IVNS1ABP: variants seen among roughly 807,000 people sequenced by gnomAD.
IVNS1ABP encodes the protein influenza virus NS1A binding protein.
Under a neutral mutation model 78.9 loss-of-function variants are expected in IVNS1ABP, and 25 were observed. That is an observed-to-expected ratio of 0.32 (90% CI 0.23 to 0.44). IVNS1ABP has a LOEUF of 0.44. IVNS1ABP is among the 20% of genes least tolerant of loss of function. The pLI, the probability that IVNS1ABP is intolerant of heterozygous loss-of-function variation, is 1.00. For synonymous variants in IVNS1ABP, 241 were observed against 259.7 expected (o/e 0.93, Z 0.69); for missense variants, 494 against 768.9 (o/e 0.64, Z 4.23).
chr1:185,300,191 A>C, intron 12 of IVNS1ABP, 26 bp downstream of exon 12: 1 of 1,609,924 alleles, frequency 6.2e-7, no homozygotes, highest in African/African-American at 1.3e-5. Context: ...TAAATACTGG[A>C]TATCTCAGGA....
At chr1:185,312,087 A>G (rs566477230) in intron 1 of IVNS1ABP, among the ~76,000 whole-genome samples, 2 of 152,358 alleles carry the variant, frequency 1.3e-5, no homozygotes, top group African/African-American at 4.8e-5. Context: ...TAAAAACTTG[A>G]ACATAAAGAT....
intron 10 of IVNS1ABP, 164 bp from the exon 11 acceptor site, chr1:185,300,722 A>G (rs1025520275): frequency 2.7e-6 from 2 of 750,334 alleles, no homozygotes; most frequent in Non-Finnish European, 4.2e-6. Flanking sequence ...TAGCTGAAAA[A>G]TCGCATTATC....
rs1665521535 is a variant in IVNS1ABP, at chr1:185,299,828, A to C, written c.1557T>G (p.Gly519=). The part of the protein sequence containing the change: ...ELGGYLYIIG[G]AESWNCLNTV... Reference sequence around the variant, plus strand: ...TGTTCAGACAATTCCAAGATTCTGCACCTCCGATTATGTACAAATAACCAC... The same window carrying C: ...TGTTCAGACAATTCCAAGATTCTGCCCCTCCGATTATGTACAAATAACCAC... Residue 519 remains glycine (G), a synonymous_variant, in exon 14 of 15, where the codon GGT becomes GGG. Coordinates refer to ENST00000367498, the MANE Select transcript of IVNS1ABP (RefSeq NM_006469.5). 5.0e-6 allele frequency: 8 copies of C among 1,613,620 alleles called. No individual in the cohort carries two copies. The highest frequency in any genetic ancestry group is 1.7e-5 in the Admixed American group (1 of 59,902).
chr1:185,316,590 C>G (rs943290290), intron 1 of IVNS1ABP, among the ~76,000 whole-genome samples: 2 of 152,236 alleles, frequency 1.3e-5, no homozygotes, highest in Non-Finnish European at 2.9e-5. Flanking sequence ...CATCCCCGCC[C>G]GCGGCGCCCT....
chr1:185,300,754 C>T lies in IVNS1ABP; in HGVS notation c.1121-196G>A. The T allele has an allele frequency of 4.2e-6, 3 of 707,370 alleles. No homozygotes were observed. The South Asian group carries it at 5.9e-5, about 14-fold the overall frequency. 43.8% of individuals were successfully genotyped at this position (707,370 alleles called of 1,614,324 possible). A position where few individuals can be genotyped will look rare whatever the true frequency, so the allele number is the denominator to read the frequency against. The stretch of plus-strand genomic sequence containing the variant: ...TATCAGTACAAATAAACTGCTTAGT[C>T]TTGGCTTGAATATTAGAAAAATTTA... On this transcript the variant is annotated intron_variant, in intron 10 of 14. Transcript: ENST00000367498.
At chr1:185,312,655 T>G (rs529719835) in intron 1 of IVNS1ABP, among the ~76,000 whole-genome samples, 1 of 152,358 alleles carries the variant, frequency 6.6e-6, no homozygotes, top group Non-Finnish European at 1.5e-5. Flanking sequence ...CAAAACTATA[T>G]CACAGCATTA....
Position 185,317,022 on chromosome 1 carries a change from G to T in IVNS1ABP, c.-316C>A. On this transcript the variant is annotated 5_prime_UTR_variant, in exon 1 of 15. Coordinates refer to ENST00000367498, the MANE Select transcript of IVNS1ABP (RefSeq NM_006469.5). ...CGATGGGAAGCAGGAGGAAGCGGGC[G>T]GGAATCGGCCCAACGGAAAGCGCCA... 1 of 398,914 alleles carries T rather than the reference G, an allele frequency of 2.5e-6. No homozygotes were observed. The highest frequency in any genetic ancestry group is 4.4e-6 in the Non-Finnish European group (1 of 226,362). 24.7% of individuals were successfully genotyped at this position (398,914 alleles called of 1,614,324 possible). A position where few individuals can be genotyped will look rare whatever the true frequency, so the allele number is the denominator to read the frequency against.
Position 185,297,129 on chromosome 1 carries a change from G to T in IVNS1ABP, c.*906C>A, listed in dbSNP as rs1214066869. 6.6e-6 allele frequency: 1 copy of T among 152,020 alleles called. No homozygotes were observed. The highest frequency in any genetic ancestry group is 1.5e-5 in the Non-Finnish European group (1 of 67,986). The allele number at this position is 152,020 out of a possible 1,614,324, so 9.4% of individuals were successfully genotyped here. A position where few individuals can be genotyped will look rare whatever the true frequency, so the allele number is the denominator to read the frequency against. On this transcript the variant is annotated 3_prime_UTR_variant, in exon 15 of 15. Coordinates refer to ENST00000367498, the MANE Select transcript of IVNS1ABP (RefSeq NM_006469.5). ...AAAGTAAATTTTTTCACAATTGAGG[G>T]CTGCTATTTAGGACTGTTTTGTTAA...
intron 5 of IVNS1ABP, among the ~76,000 whole-genome samples, chr1:185,308,375 C>A (rs1665794741): frequency 6.6e-6 from 1 of 152,140 alleles, no homozygotes. Flanking sequence ...AGTTTACTGA[C>A]CCCCATGCAT....
rs11548153 is a variant in IVNS1ABP at position 185,317,070 on chromosome 1, G to A, written c.-364C>T. The A allele has an allele frequency of 1.0e-4, 40 of 398,748 alleles. No individual in the cohort carries two copies. The highest frequency in any genetic ancestry group is 6.3e-4 in the Middle Eastern group (1 of 1,588). 24.7% of individuals were successfully genotyped at this position (398,748 alleles called of 1,614,324 possible). On this transcript the variant is annotated 5_prime_UTR_variant, in exon 1 of 15. Transcript: ENST00000367498. ...CCAGAAGGCGGCGGAAGACGGGAGC[G>A]GTCAAGTAGAAGGACGAGGGGCCAG... is the stretch of plus-strand genomic sequence containing the variant.
At chr1:185,311,563 G>A (rs1665886453) in intron 1 of IVNS1ABP, among the ~76,000 whole-genome samples, 1 of 150,766 alleles carries the variant, frequency 6.6e-6, no homozygotes, top group Non-Finnish European at 1.5e-5. Flanking sequence ...AAGGGCAGGG[G>A]CTAATGACCT....
In IVNS1ABP at chr1:185,309,508, T is replaced by C. The variant is rs1170125826; in HGVS notation, c.-15A>G. ...TTGGGAATCATTTTTCCTTATAAATTTGGCTAGATGATGAAAAGAAAGCTG... is the reference window on the plus strand; with the variant it reads ...TTGGGAATCATTTTTCCTTATAAATCTGGCTAGATGATGAAAAGAAAGCTG... On this transcript the variant is annotated 5_prime_UTR_variant, in exon 3 of 15. Coordinates refer to ENST00000367498, the MANE Select transcript of IVNS1ABP (RefSeq NM_006469.5). 2.0e-6 allele frequency: 3 copies of C among 1,500,176 alleles called. No individual in the cohort carries two copies. The highest frequency in any genetic ancestry group is 1.7e-5 in the Admixed American group (1 of 57,166). The allele number at this position is 1,500,176 out of a possible 1,614,324, so 92.9% of individuals were successfully genotyped here.
chr1:185,310,093 G>A (rs1429870509), intron 2 of IVNS1ABP, among the ~76,000 whole-genome samples: 5 of 152,138 alleles, frequency 3.3e-5, no homozygotes, highest in Non-Finnish European at 5.9e-5. Context: ...TAAAAAGTCT[G>A]ATTAGTCTTG....
intron 8 of IVNS1ABP, among the ~76,000 whole-genome samples, chr1:185,304,095 C>T (rs1396205231): frequency 6.6e-6 from 1 of 152,064 alleles, no homozygotes; most frequent in Non-Finnish European, 1.5e-5. Flanking sequence ...TAAATCCTAA[C>T]ACTGCTCAAA....
In IVNS1ABP at chr1:185,300,807, G is replaced by A. The variant is rs561065057; in HGVS notation, c.1120+165C>T. ...CATGACATAATTTTTTTAAAAATTA[G>A]ATACAGACATTGAACTGAAGGTTAG... On this transcript the variant is annotated intron_variant, in intron 10 of 14. Coordinates refer to ENST00000367498, the MANE Select transcript of IVNS1ABP (RefSeq NM_006469.5). 3 of 683,676 alleles carry A rather than the reference G, an allele frequency of 4.4e-6. No homozygotes were observed. The East Asian group carries it at 8.2e-5, about 19-fold the overall frequency. 42.4% of individuals were successfully genotyped at this position (683,676 alleles called of 1,614,324 possible). A position where few individuals can be genotyped will look rare whatever the true frequency, so the allele number is the denominator to read the frequency against.
In IVNS1ABP at chr1:185,305,449, T is replaced by G; in HGVS notation, c.765+87A>C. ...TTATACCAATGAAATTGGTCCACTTTCCTTTATTAAAGGAAAATTTAAGTA... is the reference window on the plus strand; with the variant it reads ...TTATACCAATGAAATTGGTCCACTTGCCTTTATTAAAGGAAAATTTAAGTA... On this transcript the variant is annotated intron_variant, in intron 8 of 14. Coordinates refer to ENST00000367498, the MANE Select transcript of IVNS1ABP (RefSeq NM_006469.5). The surrounding 1 kb of genome is among the most constrained non-coding windows in gnomAD (Gnocchi z 4.0). 6.8e-7 allele frequency: 1 copy of G among 1,469,590 alleles called. No individual in the cohort carries two copies. The highest frequency in any genetic ancestry group is 9.3e-7 in the Non-Finnish European group (1 of 1,076,456). 91.0% of individuals were successfully genotyped at this position (1,469,590 alleles called of 1,614,324 possible). A position where few individuals can be genotyped will look rare whatever the true frequency, so the allele number is the denominator to read the frequency against.
At position 185,301,133 on chromosome 1, in the gene IVNS1ABP, C is replaced by G. The variant is rs1443850531; in HGVS notation, c.959G>C (p.Arg320Thr). The change falls in exon 10 of 15, where the codon AGA (arginine) becomes ACA (threonine). Residue 320 changes from arginine to threonine, a missense_variant. Coordinates refer to ENST00000367498, the MANE Select transcript of IVNS1ABP (RefSeq NM_006469.5). ...TGTTGGTGAGCTCTGTGGGCTGTTTCTCCCATGAAGAAAAATGACACAGAA... is the reference window on the plus strand; with the variant it reads ...TGTTGGTGAGCTCTGTGGGCTGTTTGTCCCATGAAGAAAAATGACACAGAA... ...GIFCVIFLHG[R>T]NSPQSSPTST... The G allele has an allele frequency of 2.5e-6, 4 of 1,613,340 alleles. No homozygotes were observed. The highest frequency in any genetic ancestry group is 3.4e-6 in the Non-Finnish European group (4 of 1,179,702).
Position 185,297,983 on chromosome 1 carries a change from C to A in IVNS1ABP, c.*52G>T. ...CTCTTTATTCACAAGTGTACCTCTACTAACCATAATTACATCACTAAGCCT... is the reference window on the plus strand; with the variant it reads ...CTCTTTATTCACAAGTGTACCTCTAATAACCATAATTACATCACTAAGCCT... On this transcript the variant is annotated 3_prime_UTR_variant, in exon 15 of 15. Transcript: ENST00000367498. 1 of 1,575,824 alleles carries A rather than the reference C, an allele frequency of 6.3e-7. No homozygotes were observed. The highest frequency in any genetic ancestry group is 1.7e-5 in the Admixed American group (1 of 57,920).
chr1:185,307,858 T>C (rs563481515), intron 5 of IVNS1ABP, 196 bp from the exon 6 acceptor site: 4 of 1,364,080 alleles, frequency 2.9e-6, no homozygotes, highest in Non-Finnish European at 4.0e-6. Flanking sequence ...ATGTAAGTTT[T>C]AGTTTAAGGA....
Sources: allele counts gnomAD v4.1 joint callset (sites outside exome capture counted in the v4.1 genomes callset), GRCh38; gene constraint gnomAD v4.1.1; non-coding constraint Gnocchi (gnomAD v3.1); transcripts MANE v1.5; gene names NCBI Gene and HGNC (gene_info 2026-07-23, HGNC 2026-07-21).